The following RPS6KC1 variants were observed in gnomAD, a reference collection of about 807,000 sequenced individuals.
RPS6KC1 encodes the protein inactive ribosomal protein S6 kinase delta-1.
Under a neutral mutation model 103.8 loss-of-function variants are expected in RPS6KC1, and 54 were observed. The observed-to-expected ratio is 0.52, with a 90% confidence interval of 0.42 to 0.65. The LOEUF (loss-of-function observed/expected upper bound fraction) is 0.65, where lower values mean the gene tolerates loss of function less well. Among genes scored for constraint, RPS6KC1 ranks in the 30% least tolerant of loss-of-function variants. The pLI is 0.00. For missense variants in RPS6KC1, 1,151 were observed against 1,253.8 expected (o/e 0.92, Z 1.24); for synonymous variants, 439 against 438.7 (o/e 1.00, Z -0.01).
the RPS6KC1 span, among the ~76,000 whole-genome samples, chr1:213,461,011 A>G: frequency 3.3e-5 from 5 of 152,028 alleles, no homozygotes; most frequent in Non-Finnish European, 7.4e-5. Flanking sequence ...TCTGTTGCAG[A>G]TGACATGATT....
At chr1:213,641,058 T>C in the RPS6KC1 span, among the ~76,000 whole-genome samples, 1 of 152,000 alleles carries the variant, frequency 6.6e-6, no homozygotes, top group Non-Finnish European at 1.5e-5. Context: ...TTTGGTGAAT[T>C]GACACTTTTA....
chr1:213,569,903 A>G, the RPS6KC1 span, among the ~76,000 whole-genome samples: 1 of 152,206 alleles, frequency 6.6e-6, no homozygotes, highest in Admixed American at 6.5e-5. Flanking sequence ...GAGATCAAAG[A>G]CTTCACCCAA....
chr1:213,592,990 A>G, the RPS6KC1 span, among the ~76,000 whole-genome samples: 1 of 152,162 alleles, frequency 6.6e-6, no homozygotes, highest in Non-Finnish European at 1.5e-5. Flanking sequence ...TGCTAATGGA[A>G]ATCAAGGAGG....
chr1:213,076,425 G>A (rs866195201), intron 2 of RPS6KC1, among the ~76,000 whole-genome samples: 4 of 152,056 alleles, frequency 2.6e-5, no homozygotes, highest in Admixed American at 6.5e-5. Flanking sequence ...TTGCTCATTA[G>A]CATTATACTC....
At chr1:213,588,741 C>T in the RPS6KC1 span, among the ~76,000 whole-genome samples, 9 of 152,254 alleles carry the variant, frequency 5.9e-5, no homozygotes, top group South Asian at 2.1e-4. Context: ...TAGTCACTAA[C>T]GCTGTGTCTT....
the RPS6KC1 span, among the ~76,000 whole-genome samples, chr1:213,844,213 A>G: frequency 9.8e-5 from 15 of 152,288 alleles, no homozygotes; most frequent in Non-Finnish European, 2.2e-4. Context: ...GGTTTTTTTC[A>G]TAAGATTGTG....
At chr1:213,817,557 T>C in the RPS6KC1 span, among the ~76,000 whole-genome samples, 1 of 152,152 alleles carries the variant, frequency 6.6e-6, no homozygotes, top group East Asian at 1.9e-4. Flanking sequence ...GGACACTCCT[T>C]CAGAGGGCTC....
the RPS6KC1 span, among the ~76,000 whole-genome samples, chr1:213,807,180 T>A: frequency 2.2e-4 from 33 of 152,248 alleles, no homozygotes; most frequent in African/African-American, 7.7e-4. Flanking sequence ...CCTTTGTGGG[T>A]AACCTGACCT....
chr1:213,263,341 GATAA>G (rs1175073185), intron 14 of RPS6KC1, among the ~76,000 whole-genome samples: 246 of 152,264 alleles, frequency 1.6e-3, no homozygotes, highest in African/African-American at 5.8e-3. Context: ...AGAGACCATT[GATAA>G]TTAAAGTTCA....
intron 8 of RPS6KC1, among the ~76,000 whole-genome samples, chr1:213,204,069 C>T (rs534082727): frequency 1.3e-5 from 2 of 152,274 alleles, no homozygotes; most frequent in African/African-American, 2.4e-5. Flanking sequence ...CCAGTTGCAC[C>T]TGTAATTCTT....
At chr1:213,739,300 T>C in the RPS6KC1 span, among the ~76,000 whole-genome samples, 2 of 152,244 alleles carry the variant, frequency 1.3e-5, no homozygotes, top group African/African-American at 4.8e-5. Context: ...ATACAGTATA[T>C]AATACATATA....
At chr1:213,530,530 GAGT>G in the RPS6KC1 span, among the ~76,000 whole-genome samples, 97,205 of 151,888 alleles carry the variant, frequency 0.64, 33,440 homozygotes, top group East Asian at 0.98. Flanking sequence ...TAACCAAATA[GAGT>G]AGTTCTCATG....
intron 5 of RPS6KC1, among the ~76,000 whole-genome samples, chr1:213,122,982 G>A (rs1275238599): frequency 6.6e-6 from 1 of 152,104 alleles, no homozygotes; most frequent in Non-Finnish European, 1.5e-5. Context: ...TTGGATATTA[G>A]GAGTTTAGGG....
intron 12 of RPS6KC1, among the ~76,000 whole-genome samples, chr1:213,244,795 T>C (rs1202001190): frequency 7.9e-5 from 12 of 152,330 alleles, no homozygotes; most frequent in Non-Finnish European, 7.4e-5. Flanking sequence ...CTACCATTAA[T>C]GGATTTTGCT....
intron 1 of RPS6KC1, among the ~76,000 whole-genome samples, chr1:213,059,649 G>A (rs991114932): frequency 1.3e-5 from 2 of 152,028 alleles, no homozygotes; most frequent in African/African-American, 4.8e-5. Context: ...GAGTAGCTGG[G>A]ATTACAGGCA....
the RPS6KC1 span, among the ~76,000 whole-genome samples, chr1:213,463,490 C>T: frequency 6.6e-5 from 10 of 152,220 alleles, no homozygotes; most frequent in Middle Eastern, 3.4e-3. Context: ...TACTCAGTTT[C>T]CCCCAATAGT....
chr1:213,767,447 A>G, the RPS6KC1 span, among the ~76,000 whole-genome samples: 13 of 152,058 alleles, frequency 8.5e-5, no homozygotes, highest in South Asian at 4.2e-4. Flanking sequence ...CCTCTGACCT[A>G]TGCAAATCCT....
At chr1:213,183,535 A>G (rs1233348375) in intron 8 of RPS6KC1, among the ~76,000 whole-genome samples, 1 of 151,760 alleles carries the variant, frequency 6.6e-6, no homozygotes, top group Non-Finnish European at 1.5e-5. Flanking sequence ...AAACAGTTAT[A>G]CTACTAAGTA....
chr1:213,701,673 C>A, the RPS6KC1 span, among the ~76,000 whole-genome samples: 1 of 151,920 alleles, frequency 6.6e-6, no homozygotes, highest in Non-Finnish European at 1.5e-5. Context: ...TTGTCCATTT[C>A]TTCTATGTTT....
Sources: allele counts gnomAD v4.1 joint callset (sites outside exome capture counted in the v4.1 genomes callset), GRCh38; gene constraint gnomAD v4.1.1; transcripts MANE v1.5; gene names NCBI Gene and HGNC (gene_info 2026-07-23, HGNC 2026-07-21).